The following NEGR1 variants were observed in gnomAD, a reference collection of about 807,000 sequenced individuals.
The protein encoded by NEGR1 is neuronal growth regulator 1, also known as IgLON family member 4.
In NEGR1, 10 loss-of-function variants were observed where a neutral mutation model predicts 40.9. That is an observed-to-expected ratio of 0.24 (90% CI 0.15 to 0.42). The LOEUF (loss-of-function observed/expected upper bound fraction) is 0.42, where lower values mean the gene tolerates loss of function less well. Ranked by LOEUF, NEGR1 falls within the 10% of genes least tolerant of loss-of-function variation. NEGR1 has a pLI of 1.00. For missense variants in NEGR1, 352 were observed against 438.9 expected (o/e 0.80, Z 1.77); for synonymous variants, 185 against 166.8 (o/e 1.11, Z -0.84).
chr1:72,069,026 T>C (rs931196123), intron 1 of NEGR1, among the ~76,000 whole-genome samples: 1 of 152,168 alleles, frequency 6.6e-6, no homozygotes, highest in African/African-American at 2.4e-5. Flanking sequence ...GGTTACTCTC[T>C]TGTCTAATAA....
chr1:71,527,585 T>C (rs1431995393), intron 6 of NEGR1, among the ~76,000 whole-genome samples: 1 of 151,552 alleles, frequency 6.6e-6, no homozygotes. Flanking sequence ...CCCTCTCTAT[T>C]CCCGAATGAG....
At chr1:72,058,334 C>G (rs1380789155) in intron 1 of NEGR1, among the ~76,000 whole-genome samples, 13 of 151,460 alleles carry the variant, frequency 8.6e-5, no homozygotes, top group Non-Finnish European at 4.4e-5. Flanking sequence ...ACTTAATAAT[C>G]TCTAATATTA....
At chr1:71,935,838 G>A (rs3845341) in intron 1 of NEGR1, among the ~76,000 whole-genome samples, 33,824 of 151,722 alleles carry the variant, frequency 0.22, 4,152 homozygotes, top group Admixed American at 0.36. Context: ...TTACTCTGTC[G>A]CCCAGGCTGG....
chr1:71,553,280 G>A (rs1648146065), intron 6 of NEGR1, among the ~76,000 whole-genome samples: 1 of 151,388 alleles, frequency 6.6e-6, no homozygotes, highest in Non-Finnish European at 1.5e-5. Context: ...TAAATAATAA[G>A]GCTATTTCAA....
intron 4 of NEGR1, among the ~76,000 whole-genome samples, chr1:71,690,400 T>C (rs958070999): frequency 7.2e-5 from 11 of 151,884 alleles, no homozygotes; most frequent in Non-Finnish European, 1.0e-4. Context: ...ATAAACTATA[T>C]GTTTGTACTG....
At chr1:72,232,505 G>T (rs1654399595) in intron 1 of NEGR1, among the ~76,000 whole-genome samples, 1 of 152,120 alleles carries the variant, frequency 6.6e-6, no homozygotes, top group Admixed American at 6.6e-5. Flanking sequence ...GTAGCAGAAT[G>T]AGCCAAGTTA....
chr1:71,641,390 G>T (rs568015147), intron 4 of NEGR1, among the ~76,000 whole-genome samples: 1 of 151,986 alleles, frequency 6.6e-6, no homozygotes, highest in Non-Finnish European at 1.5e-5. Flanking sequence ...TATAAAGCAG[G>T]TCCCTCGGTG....
chr1:72,026,021 G>A lies in NEGR1; in HGVS notation c.177-90710C>T, dbSNP rs553084650. Among the ~76,000 whole-genome samples, 241 of 141,826 alleles carry A rather than the reference G, an allele frequency of 1.7e-3. 1 individual carries two copies. The highest frequency in any genetic ancestry group is 2.3e-3 in the Non-Finnish European group (152 of 65,426). The allele number at this position is 141,826 out of a possible 152,430, so 93.0% of individuals were successfully genotyped here. The stretch of plus-strand genomic sequence containing the variant: ...AGCTACTTGGGAGGCTGAGGCAGGA[G>A]AATGGCGTGAACCCGGGAGGCGGAG... On this transcript the variant is annotated intron_variant, in intron 1 of 6. Transcript: ENST00000357731.
At chr1:71,861,506 C>A (rs1270082725) in intron 2 of NEGR1, among the ~76,000 whole-genome samples, 1 of 152,024 alleles carries the variant, frequency 6.6e-6, no homozygotes, top group African/African-American at 2.4e-5. Flanking sequence ...ATGCAGTTGT[C>A]TTCAGACTTA....
chr1:71,881,888 A>G (rs1364987604), intron 2 of NEGR1, among the ~76,000 whole-genome samples: 1 of 152,124 alleles, frequency 6.6e-6, no homozygotes, highest in African/African-American at 2.4e-5. Context: ...TGTGTACTGT[A>G]AAAAGCAGCC....
chr1:71,505,164 A>G (rs1030941074), intron 6 of NEGR1, among the ~76,000 whole-genome samples: 1 of 152,218 alleles, frequency 6.6e-6, no homozygotes, highest in Non-Finnish European at 1.5e-5. Flanking sequence ...AAACCATACG[A>G]TAACTCCGAT....
chr1:71,898,338 G>C (rs532731207), intron 2 of NEGR1, among the ~76,000 whole-genome samples: 1 of 152,102 alleles, frequency 6.6e-6, no homozygotes, highest in Non-Finnish European at 1.5e-5. Flanking sequence ...TTTGCTGGCC[G>C]GGCGCGGTGG....
intron 6 of NEGR1, among the ~76,000 whole-genome samples, chr1:71,503,482 C>T (rs1647011908): frequency 6.6e-6 from 1 of 152,116 alleles, no homozygotes; most frequent in African/African-American, 2.4e-5. Flanking sequence ...GGAAGAAATA[C>T]CTGGAGACCA....
At chr1:71,880,117 G>T (rs1433868161) in intron 2 of NEGR1, among the ~76,000 whole-genome samples, 1 of 151,934 alleles carries the variant, frequency 6.6e-6, no homozygotes, top group Non-Finnish European at 1.5e-5. Context: ...TAAACTTTCA[G>T]ATTTCATAAT....
intron 3 of NEGR1, among the ~76,000 whole-genome samples, chr1:71,711,189 C>CA: frequency 1.4e-5 from 2 of 148,042 alleles, no homozygotes; most frequent in East Asian, 4.0e-4. Flanking sequence ...AAAAAAAATA[C>CA]AAAAAATTAG....
intron 1 of NEGR1, among the ~76,000 whole-genome samples, chr1:71,980,499 C>G (rs1184075783): frequency 6.6e-6 from 1 of 152,100 alleles, no homozygotes. Context: ...AAATATGACT[C>G]TATACGTTTT....
At chr1:71,779,287 T>C (rs1406727111) in intron 2 of NEGR1, among the ~76,000 whole-genome samples, 1 of 152,206 alleles carries the variant, frequency 6.6e-6, no homozygotes, top group African/African-American at 2.4e-5. Context: ...AAGGGAATAA[T>C]TCTTGACCCA....
chr1:71,998,629 T>C (rs1037992316), intron 1 of NEGR1, among the ~76,000 whole-genome samples: 3 of 151,860 alleles, frequency 2.0e-5, no homozygotes, highest in Non-Finnish European at 4.4e-5. Flanking sequence ...CACAAAGCAC[T>C]GCTTAAAGGA....
At chr1:71,422,315 A>G (rs1646399861) in intron 6 of NEGR1, among the ~76,000 whole-genome samples, 1 of 152,218 alleles carries the variant, frequency 6.6e-6, no homozygotes, top group Non-Finnish European at 1.5e-5. Context: ...CTGATACACA[A>G]TGGCACTGTC....
Sources: allele counts gnomAD v4.1 joint callset (sites outside exome capture counted in the v4.1 genomes callset), GRCh38; gene constraint gnomAD v4.1.1; transcripts MANE v1.5; gene names NCBI Gene and HGNC (gene_info 2026-07-23, HGNC 2026-07-21).